SKAP2: variants seen among roughly 807,000 people sequenced by gnomAD.
The protein encoded by SKAP2 is src kinase-associated phosphoprotein 2.
In SKAP2, 28 loss-of-function variants were observed where a neutral mutation model predicts 54.9. The observed-to-expected ratio is 0.51, with a 90% CI of 0.38 to 0.70. The LOEUF (loss-of-function observed/expected upper bound fraction) is 0.70, where lower values mean the gene tolerates loss of function less well. SKAP2 is among the 30% of genes least tolerant of loss of function. The pLI, the probability that SKAP2 is intolerant of heterozygous loss-of-function variation, is 0.00. For missense variants in SKAP2, 356 were observed against 424.1 expected, an observed-to-expected ratio of 0.84 and a Z score of 1.41; for synonymous variants, 137 against 134.3, an observed-to-expected ratio of 1.02 and a Z score of -0.14.
Position 26,857,384 on chromosome 7 carries a change from C to G in SKAP2, c.68-2494G>C, listed in dbSNP as rs150091558. On this transcript the variant is annotated intron_variant, in intron 1 of 12. Transcript: ENST00000345317. ...AAATAATTTTAGTTTGTTGACTGTC[C>G]ACAACCAAACTTGGTTGGTTTTTAA... 403 of 819,804 alleles carry G rather than the reference C, an allele frequency of 4.9e-4. 1 individual carries two copies. In the African/African-American group the frequency reaches 7.2e-3, roughly 15 times the overall value. 50.8% of individuals were successfully genotyped at this position (819,804 alleles called of 1,614,324 possible). A position where few individuals can be genotyped will look rare whatever the true frequency, so the allele number is the denominator to read the frequency against.
At chr7:26,824,863 A>T (rs757830150) in intron 4 of SKAP2, among the ~76,000 whole-genome samples, 8 of 152,170 alleles carry the variant, frequency 5.3e-5, no homozygotes, top group Admixed American at 1.3e-4. Context: ...TTTTGGCCCC[A>T]CACAAAAATG....
the SKAP2 span, among the ~76,000 whole-genome samples, chr7:26,657,904 T>C: frequency 8.5e-5 from 13 of 152,270 alleles, no homozygotes; most frequent in African/African-American, 2.2e-4. Flanking sequence ...GTATGCTGCA[T>C]ACCAATTTCC....
chr7:26,861,710 G>A (rs1196371033), intron 1 of SKAP2, among the ~76,000 whole-genome samples: 1 of 141,902 alleles, frequency 7.0e-6, no homozygotes, highest in South Asian at 2.2e-4. Context: ...GTATAGCATA[G>A]AACTGCCATA....
chr7:26,850,239 T>C (rs1785010276), intron 3 of SKAP2, among the ~76,000 whole-genome samples: 1 of 152,126 alleles, frequency 6.6e-6, no homozygotes, highest in African/African-American at 2.4e-5. Context: ...GAGGATACTT[T>C]ATAATATGAG....
At chr7:26,783,623 A>G (rs1431115433) in intron 4 of SKAP2, among the ~76,000 whole-genome samples, 1 of 152,174 alleles carries the variant, frequency 6.6e-6, no homozygotes, top group Non-Finnish European at 1.5e-5. Flanking sequence ...TAATGCTTCC[A>G]GTAATGTGCT....
chr7:26,660,091 C>T, the SKAP2 span, among the ~76,000 whole-genome samples: 1 of 151,964 alleles, frequency 6.6e-6, no homozygotes, highest in African/African-American at 2.4e-5. Context: ...CTTAAGCAGC[C>T]TCAAACCAGA....
intron 6 of SKAP2, among the ~76,000 whole-genome samples, chr7:26,730,557 C>T (rs1227428293): frequency 6.6e-6 from 1 of 152,094 alleles, no homozygotes; most frequent in African/African-American, 2.4e-5. Context: ...TTTTATAACA[C>T]ATTGATGCCT....
chr7:26,795,949 T>C (rs1231048771), intron 4 of SKAP2, among the ~76,000 whole-genome samples: 1 of 152,136 alleles, frequency 6.6e-6, no homozygotes, highest in African/African-American at 2.4e-5. Context: ...TCAACAAATA[T>C]ATTGGAAAAT....
Position 26,725,501 on chromosome 7 carries a change from A to T in SKAP2, c.723T>A (p.Asp241Glu), listed in dbSNP as rs1787685026. 3 of 1,611,816 alleles carry T rather than the reference A, an allele frequency of 1.9e-6. No homozygotes were observed. The African/African-American group carries it at 4.0e-5, about 22-fold the overall frequency. Residue 241 changes from aspartate (D) to glutamate (E), a missense_variant, in exon 9 of 13, where the codon GAT becomes GAA. Asp to Glu is a conservative substitution (Grantham distance 45). Coordinates refer to ENST00000345317, the MANE Select transcript of SKAP2 (RefSeq NM_003930.5). ...DERGELYDDV[D>E]HPLPISNPLT... Reference sequence around the variant, plus strand: ...GTGGATTGCTTATTGGTAGAGGATGATCAACATCATCATATAATTCTCCTC... The same window carrying T: ...GTGGATTGCTTATTGGTAGAGGATGTTCAACATCATCATATAATTCTCCTC...
rs145835350 is a variant in SKAP2 at position 26,715,993 on chromosome 7, T to C, written c.796+9435A>G. Among the ~76,000 whole-genome samples, 47 of 152,344 alleles carry C rather than the reference T, an allele frequency of 3.1e-4. No individual in the cohort carries two copies. In the East Asian group the frequency reaches 8.5e-3, roughly 28 times the overall value. The stretch of plus-strand genomic sequence containing the variant: ...AGAGTTGGCTCTTAATTAAATTTAA[T>C]TGTAGTTAAAGACCATAGTCTGTAT... On this transcript the variant is annotated intron_variant, in intron 9 of 12. Coordinates refer to ENST00000345317, the MANE Select transcript of SKAP2 (RefSeq NM_003930.5).
intron 4 of SKAP2, among the ~76,000 whole-genome samples, chr7:26,829,509 C>T (rs565627752): frequency 1.8e-4 from 28 of 152,256 alleles, no homozygotes; most frequent in African/African-American, 6.0e-4. Flanking sequence ...TACCACACTG[C>T]ACTACAGCTT....
chr7:26,692,737 C>T lies in SKAP2; in HGVS notation c.797-2375G>A, dbSNP rs1353388516. Among the ~76,000 whole-genome samples the T allele has an allele frequency of 4.6e-5, 7 of 152,196 alleles. No homozygotes were observed. The East Asian group carries it at 1.4e-3, about 29-fold the overall frequency. On this transcript the variant is annotated intron_variant, in intron 9 of 12. Coordinates refer to ENST00000345317, the MANE Select transcript of SKAP2 (RefSeq NM_003930.5). ...AATAGTTATCTCACTTATGCCAAAC[C>T]TTAAAGGCTAGCTTTAATAAATGGG...
At chr7:26,697,217 CA>C (rs1324584118) in intron 9 of SKAP2, among the ~76,000 whole-genome samples, 1 of 152,166 alleles carries the variant, frequency 6.6e-6, no homozygotes, top group African/African-American at 2.4e-5. Context: ...CTGTGCACCG[CA>C]GACATTTCTG....
intron 9 of SKAP2, among the ~76,000 whole-genome samples, chr7:26,707,295 C>T (rs115691655): frequency 2.0e-4 from 30 of 151,594 alleles, no homozygotes; most frequent in Non-Finnish European, 4.0e-4. Context: ...AGGAAGTCGA[C>T]GCTGCAGTGA....
intron 4 of SKAP2, among the ~76,000 whole-genome samples, chr7:26,778,337 T>C (rs1190326061): frequency 6.6e-6 from 1 of 152,042 alleles, no homozygotes; most frequent in East Asian, 1.9e-4. Flanking sequence ...CAATCTCAAT[T>C]TGATGACTAA....
intron 4 of SKAP2, among the ~76,000 whole-genome samples, chr7:26,763,901 T>C (rs748904040): frequency 6.6e-6 from 1 of 152,250 alleles, no homozygotes; most frequent in South Asian, 2.1e-4. Context: ...TATCTAAACA[T>C]GGAAAAGGCA....
intron 9 of SKAP2, 54 bp downstream of exon 9, chr7:26,725,374 A>T (rs1562588256): frequency 1.7e-5 from 14 of 826,488 alleles, no homozygotes; most frequent in East Asian, 3.7e-5. Context: ...ACACACACTC[A>T]CACACACACA....
At chr7:26,847,925 T>A (rs1275594502) in intron 3 of SKAP2, 3 of 152,192 alleles carry the variant, frequency 2.0e-5, no homozygotes, top group African/African-American at 4.8e-5. Context: ...ATTTGATTTA[T>A]CCCACAACTT....
At chr7:26,679,486 C>T (rs367896468) in intron 11 of SKAP2, among the ~76,000 whole-genome samples, 1 of 152,150 alleles carries the variant, frequency 6.6e-6, no homozygotes, top group African/African-American at 2.4e-5. Context: ...ATACTGACAG[C>T]ATACAAACTA....
Sources: gnomAD v4.1 joint callset for allele counts (sites outside exome capture counted in the v4.1 genomes callset) on GRCh38, gnomAD v4.1.1 for gene constraint, MANE v1.5 for transcripts, NCBI Gene and HGNC (gene_info 2026-07-23, HGNC 2026-07-21) for gene names.